Variants in RBFOX1 observed in about 807,000 individuals in gnomAD.
RBFOX1 encodes RNA binding protein fox-1 homolog 1.
Under a neutral mutation model 57.7 loss-of-function variants are expected in RBFOX1, and 8 were observed. That is an observed-to-expected ratio of 0.14 (90% CI 0.08 to 0.25). The LOEUF is 0.25. RBFOX1 is among the 10% of genes least tolerant of loss of function. The pLI, the probability that RBFOX1 is intolerant of heterozygous loss-of-function variation, is 1.00. For synonymous variants in RBFOX1, 326 were observed against 222.4 expected (o/e 1.47, Z -4.15); for missense variants, 611 against 548.5 (o/e 1.11, Z -1.14).
intron 1 of RBFOX1, among the ~76,000 whole-genome samples, chr16:6,276,171 G>A (rs1289472890): frequency 2.0e-5 from 3 of 151,998 alleles, no homozygotes; most frequent in South Asian, 2.1e-4. Flanking sequence ...ATAGATAAAC[G>A]GATGACTCAA....
chr16:5,426,407 T>C (rs544552858), intron 1 of RBFOX1, among the ~76,000 whole-genome samples: 27 of 152,308 alleles, frequency 1.8e-4, no homozygotes, highest in African/African-American at 5.5e-4. Context: ...ACCAATTCCA[T>C]TGAACCTAAA....
chr16:6,498,615 T>C (rs1194271770), intron 2 of RBFOX1, among the ~76,000 whole-genome samples: 1 of 152,196 alleles, frequency 6.6e-6, no homozygotes, highest in African/African-American at 2.4e-5. Context: ...GTGAGCAATA[T>C]ACAATTAGTT....
In RBFOX1 at chr16:6,873,588, A is replaced by G. The variant is rs77068380; in HGVS notation, c.-15-178469A>G. On this transcript the variant is annotated intron_variant, in intron 3 of 15. Coordinates refer to ENST00000550418, the MANE Select transcript of RBFOX1 (RefSeq NM_018723.4). The stretch of plus-strand genomic sequence containing the variant: ...TGCTGCATAAACTATTGAGTTAAAC[A>G]TATTACACGTCTAGTTTTTACTGGG... 2.9e-3 allele frequency among the ~76,000 whole-genome samples: 443 copies of G among 152,290 alleles called. 12 individuals carry two copies. The East Asian group carries it at 0.069, about 24-fold the overall frequency.
chr16:6,156,891 T>C (rs1353944122), intron 1 of RBFOX1, among the ~76,000 whole-genome samples: 4 of 152,172 alleles, frequency 2.6e-5, no homozygotes, highest in Admixed American at 2.0e-4. Flanking sequence ...CCAGACTGGA[T>C]GGCAGGGGCA....
intron 4 of RBFOX1, among the ~76,000 whole-genome samples, chr16:7,054,468 C>G (rs193127892): frequency 1.4e-5 from 2 of 148,132 alleles, no homozygotes; most frequent in Non-Finnish European, 3.0e-5. Context: ...GTCTCGATCT[C>G]CTGACCTCGT....
chr16:6,899,910 G>A (rs183597112), intron 3 of RBFOX1, among the ~76,000 whole-genome samples: 54 of 152,300 alleles, frequency 3.5e-4, no homozygotes, highest in South Asian at 6.2e-4. Flanking sequence ...TTTTGCCCAT[G>A]TTCTGACCAT....
intron 1 of RBFOX1, among the ~76,000 whole-genome samples, chr16:5,383,972 C>T (rs2066194831): frequency 6.6e-6 from 1 of 152,192 alleles, no homozygotes; most frequent in African/African-American, 2.4e-5. Flanking sequence ...CATTCTCCTC[C>T]ATGCTGGCTT....
intron 4 of RBFOX1, among the ~76,000 whole-genome samples, chr16:7,326,418 T>C (rs762699845): frequency 5.0e-4 from 76 of 151,984 alleles, no homozygotes; most frequent in Middle Eastern, 6.3e-3. Context: ...GGGGGGATAA[T>C]AGAATGGAAG....
intron 4 of RBFOX1, among the ~76,000 whole-genome samples, chr16:7,443,234 A>C (rs902988909): frequency 6.6e-6 from 1 of 151,986 alleles, no homozygotes; most frequent in Admixed American, 6.6e-5. Context: ...AGCTGCCAAC[A>C]AATGCATTTC....
At chr16:6,016,097 C>T (rs1156908427), upstream of RBFOX1, among the ~76,000 whole-genome samples, 2 of 152,322 alleles carry the variant, frequency 1.3e-5, no homozygotes, top group East Asian at 3.9e-4. Context: ...ATTTATTGAG[C>T]TTATTATGTG....
At chr16:6,175,647 A>G (rs2097000315) in intron 1 of RBFOX1, among the ~76,000 whole-genome samples, 1 of 152,156 alleles carries the variant, frequency 6.6e-6, no homozygotes, top group Admixed American at 6.5e-5. Flanking sequence ...TAAAGTGCAT[A>G]TAGGGATCTG....
chr16:6,646,920 C>T (rs1484386951), intron 2 of RBFOX1, among the ~76,000 whole-genome samples: 1 of 152,192 alleles, frequency 6.6e-6, no homozygotes, highest in Non-Finnish European at 1.5e-5. Flanking sequence ...CGCGTGTACA[C>T]ATGATCCCAC....
intron 3 of RBFOX1, among the ~76,000 whole-genome samples, chr16:6,849,752 C>G (rs539763118): frequency 5.3e-5 from 8 of 152,268 alleles, no homozygotes; most frequent in Non-Finnish European, 8.8e-5. Context: ...CCACATATCC[C>G]TAAGACCCAG....
chr16:7,710,185 T>G lies in RBFOX1; in HGVS notation c.1072-438T>G, dbSNP rs974594112. The stretch of plus-strand genomic sequence containing the variant: ...ATACAGCTTACAGAGCCAAGTTAAG[T>G]AAGAAGTAGGTTGAGATTTTCATCC... On this transcript the variant is annotated intron_variant, in intron 15 of 15. Coordinates refer to ENST00000550418, the MANE Select transcript of RBFOX1 (RefSeq NM_018723.4). The G allele has an allele frequency of 6.8e-6, 7 of 1,024,888 alleles. No individual in the cohort carries two copies. In the African/African-American group the frequency reaches 8.7e-5, roughly 13 times the overall value. The allele number at this position is 1,024,888 out of a possible 1,614,324, so 63.5% of individuals were successfully genotyped here.
chr16:6,976,958 A>G (rs1003224011), intron 3 of RBFOX1, among the ~76,000 whole-genome samples: 1 of 143,716 alleles, frequency 7.0e-6, no homozygotes, highest in South Asian at 2.2e-4. Context: ...TATCATATAT[A>G]TTAAATATCC....
intron 3 of RBFOX1, among the ~76,000 whole-genome samples, chr16:7,034,942 C>T (rs573796372): frequency 6.3e-4 from 91 of 145,204 alleles, no homozygotes; most frequent in East Asian, 1.9e-3. Context: ...TCTGCCTCCC[C>T]GGTTCTATCG....
intron 1 of RBFOX1, among the ~76,000 whole-genome samples, chr16:6,043,609 A>T (rs1422364878): frequency 6.6e-6 from 1 of 152,202 alleles, no homozygotes; most frequent in African/African-American, 2.4e-5. Flanking sequence ...GGCGATGGCC[A>T]GAAATTTCAT....
chr16:6,031,068 T>C (rs1252265175), intron 1 of RBFOX1, among the ~76,000 whole-genome samples: 11 of 152,162 alleles, frequency 7.2e-5, no homozygotes, highest in South Asian at 2.1e-4. Context: ...GGCAACAGAA[T>C]GGAGCATTCA....
chr16:6,935,954 T>G (rs1279723021), intron 3 of RBFOX1, among the ~76,000 whole-genome samples: 2 of 152,194 alleles, frequency 1.3e-5, no homozygotes, highest in Non-Finnish European at 2.9e-5. Context: ...TGTGAATATG[T>G]CTGCTTTGCT....
Sources: allele counts gnomAD v4.1 joint callset (sites outside exome capture counted in the v4.1 genomes callset), GRCh38; gene constraint gnomAD v4.1.1; transcripts MANE v1.5; gene names NCBI Gene and HGNC (gene_info 2026-07-23, HGNC 2026-07-21).